Variants in ARHGAP31 observed in about 807,000 individuals in gnomAD.
The protein encoded by ARHGAP31 is Rho GTPase activating protein 31.
ARHGAP31 carries 34 observed loss-of-function variants against 113.9 expected under a neutral mutation model. The ratio of observed to expected loss-of-function variants is 0.30; its 90% confidence interval spans 0.23 to 0.40. The LOEUF is 0.40. Ranked by LOEUF, ARHGAP31 falls within the 10% of genes least tolerant of loss-of-function variation. The pLI, the probability that ARHGAP31 is intolerant of heterozygous loss-of-function variation, is 1.00. For missense variants in ARHGAP31, 1,548 were observed against 1,767.1 expected (o/e 0.88, Z 2.22); for synonymous variants, 650 against 684.8 (o/e 0.95, Z 0.79).
chr3:119,309,765 A>T (rs1368113318), intron 1 of ARHGAP31, among the ~76,000 whole-genome samples: 1 of 151,716 alleles, frequency 6.6e-6, no homozygotes, highest in East Asian at 1.9e-4. Flanking sequence ...CTCAAAAAAA[A>T]CTATCCCCCC....
At chr3:119,323,252 G>GAGCCCAGAAGCGGGGAA (rs946980711) in intron 1 of ARHGAP31, among the ~76,000 whole-genome samples, 13 of 152,096 alleles carry the variant, frequency 8.5e-5, no homozygotes, top group South Asian at 2.1e-4. Flanking sequence ...CGCGGCCACC[G>GAGCCCAGAAGCGGGGAA]AGCCCAGAAG....
At position 119,294,418 on chromosome 3, in the gene ARHGAP31, T is replaced by C; in HGVS notation, c.-487T>C. 2.5e-6 allele frequency: 1 copy of C among 402,494 alleles called. No homozygotes were observed. The highest frequency in any genetic ancestry group is 4.4e-6 in the Non-Finnish European group (1 of 229,308). The allele number at this position is 402,494 out of a possible 1,614,324, so 24.9% of individuals were successfully genotyped here. A position where few individuals can be genotyped will look rare whatever the true frequency, so the allele number is the denominator to read the frequency against. ...GGGCGGGCAGCAGCGACAGGATGCT[T>C]GTTTTTCGCTCTACCAAAGTCGTCT... On this transcript the variant is annotated 5_prime_UTR_variant, in exon 1 of 12. Coordinates refer to ENST00000264245, the MANE Select transcript of ARHGAP31 (RefSeq NM_020754.4).
At chr3:119,337,307 T>C (rs954509325) in intron 1 of ARHGAP31, among the ~76,000 whole-genome samples, 1 of 152,056 alleles carries the variant, frequency 6.6e-6, no homozygotes, top group Non-Finnish European at 1.5e-5. Context: ...TTGCGTTGAG[T>C]GTTACAGTTC....
intron 3 of ARHGAP31, among the ~76,000 whole-genome samples, chr3:119,378,922 C>T (rs1009092051): frequency 3.9e-5 from 6 of 152,222 alleles, no homozygotes; most frequent in Non-Finnish European, 8.8e-5. Context: ...TGTTCTCAGG[C>T]TGGCAAACCC....
chr3:119,343,562 C>T (rs1481945544), intron 1 of ARHGAP31, among the ~76,000 whole-genome samples: 1 of 152,184 alleles, frequency 6.6e-6, no homozygotes, highest in Non-Finnish European at 1.5e-5. Context: ...CAGAAGAGTG[C>T]TCCAAAGGTA....
rs1256508742 is a variant in ARHGAP31 at position 119,408,042 on chromosome 3, T to A, written c.1646-1454T>A. 7.5e-5 allele frequency among the ~76,000 whole-genome samples: 5 copies of A among 66,708 alleles called. No individual in the cohort carries two copies. The East Asian group carries it at 2.3e-3, about 31-fold the overall frequency. The allele number at this position is 66,708 out of a possible 152,430, so 43.8% of individuals were successfully genotyped here. A position where few individuals can be genotyped will look rare whatever the true frequency, so the allele number is the denominator to read the frequency against. On this transcript the variant is annotated intron_variant, in intron 10 of 11. Transcript: ENST00000264245. ...TTACATATTACAAGCAACCTAGAGA[T>A]AAGCAACCTAGAGATAAGCAACCTA... is the stretch of plus-strand genomic sequence containing the variant.
At chr3:119,400,318 T>C (rs2080589912) in intron 9 of ARHGAP31, among the ~76,000 whole-genome samples, 1 of 151,848 alleles carries the variant, frequency 6.6e-6, no homozygotes, top group African/African-American at 2.4e-5. Flanking sequence ...TGCCTATAAT[T>C]CCAGCTACTC....
rs988749394 is a variant in ARHGAP31 at position 119,419,750 on chromosome 3, C to T, written c.*3486C>T. On this transcript the variant is annotated 3_prime_UTR_variant, in exon 12 of 12. Coordinates refer to ENST00000264245, the MANE Select transcript of ARHGAP31 (RefSeq NM_020754.4). The stretch of plus-strand genomic sequence containing the variant: ...AATCAAATTGAACACAATTGCAAAT[C>T]CAATAGAACATCCCAGTGAGACACT... 1.3e-5 allele frequency: 2 copies of T among 152,120 alleles called. No individual in the cohort carries two copies. Among genetic ancestry groups the T allele is most frequent in the African/African-American group, 4.8e-5 (2 of 41,438 alleles). 9.4% of individuals were successfully genotyped at this position (152,120 alleles called of 1,614,324 possible).
intron 1 of ARHGAP31, among the ~76,000 whole-genome samples, chr3:119,362,142 T>C (rs1180878783): frequency 2.0e-5 from 3 of 152,238 alleles, no homozygotes; most frequent in Non-Finnish European, 4.4e-5. Context: ...GGTTACCCTG[T>C]ACTGCCCCTT....
chr3:119,401,020 A>C (rs1559993398), intron 9 of ARHGAP31, among the ~76,000 whole-genome samples: 1 of 151,916 alleles, frequency 6.6e-6, no homozygotes, highest in African/African-American at 2.4e-5. Flanking sequence ...AAAATACAAA[A>C]ATTAGCCGGG....
intron 4 of ARHGAP31, among the ~76,000 whole-genome samples, chr3:119,381,934 T>A (rs369843134): frequency 7.2e-6 from 1 of 138,928 alleles, no homozygotes; most frequent in African/African-American, 2.8e-5. Flanking sequence ...TGCAGTGAGC[T>A]GAGATCGCGC....
At chr3:119,411,266 T>C (rs1223060704) in intron 11 of ARHGAP31, among the ~76,000 whole-genome samples, 1 of 152,054 alleles carries the variant, frequency 6.6e-6, no homozygotes. Flanking sequence ...CTATTCTGTG[T>C]GGAGAATGGC....
At chr3:119,400,320 C>G (rs2080589947) in intron 9 of ARHGAP31, among the ~76,000 whole-genome samples, 1 of 151,980 alleles carries the variant, frequency 6.6e-6, no homozygotes, top group African/African-American at 2.4e-5. Context: ...CCTATAATTC[C>G]AGCTACTCAG....
intron 1 of ARHGAP31, among the ~76,000 whole-genome samples, chr3:119,355,827 A>G (rs2080151643): frequency 6.6e-6 from 1 of 152,058 alleles, no homozygotes; most frequent in Non-Finnish European, 1.5e-5. Flanking sequence ...ATCCTTTTTT[A>G]TGGCTGCATA....
chr3:119,312,248 G>C (rs1333128625), intron 1 of ARHGAP31, among the ~76,000 whole-genome samples: 1 of 152,222 alleles, frequency 6.6e-6, no homozygotes. Context: ...CTTTTTTCAG[G>C]TGGAGAGAAA....
At chr3:119,321,419 A>T (rs904899292) in intron 1 of ARHGAP31, among the ~76,000 whole-genome samples, 1 of 148,630 alleles carries the variant, frequency 6.7e-6, no homozygotes, top group African/African-American at 2.4e-5. Flanking sequence ...GGAAATACAT[A>T]AATGTTTTAG....
intron 8 of ARHGAP31, among the ~76,000 whole-genome samples, chr3:119,397,432 A>G (rs1198547830): frequency 6.6e-6 from 1 of 152,256 alleles, no homozygotes; most frequent in Non-Finnish European, 1.5e-5. Flanking sequence ...CCTGGAAAAC[A>G]AAGGCAGTGC....
chr3:119,377,057 T>C (rs1259291217), intron 3 of ARHGAP31, among the ~76,000 whole-genome samples: 1 of 152,256 alleles, frequency 6.6e-6, no homozygotes, highest in Non-Finnish European at 1.5e-5. Flanking sequence ...TCTGGAAGTG[T>C]GGCCCAAATG....
Position 119,399,182 on chromosome 3 carries a change from T to TTTTC in ARHGAP31, c.1007-13_1007-10dup, listed in dbSNP as rs1239795446. ...TTAATATGCATTCATCAAGGATATT[T>TTTTC]TTTCTTTTGTCTTTAGTGGAAAAGG... is the stretch of plus-strand genomic sequence containing the variant. On this transcript the variant is annotated splice_polypyrimidine_tract_variant and intron_variant, in intron 8 of 11. Transcript: ENST00000264245. 6.2e-7 allele frequency: 1 copy of TTTTC among 1,610,918 alleles called. No homozygotes were observed.
Sources: gnomAD v4.1 joint callset for allele counts (sites outside exome capture counted in the v4.1 genomes callset) on GRCh38, gnomAD v4.1.1 for gene constraint, MANE v1.5 for transcripts, NCBI Gene and HGNC (gene_info 2026-07-23, HGNC 2026-07-21) for gene names.